Variants in DLG5 observed in about 807,000 individuals in gnomAD.
DLG5 encodes disks large homolog 5.
Under a neutral mutation model 189.8 loss-of-function variants are expected in DLG5, and 48 were observed. That is an observed-to-expected ratio of 0.25 (90% CI 0.20 to 0.32). The LOEUF is 0.32. Among genes scored for constraint, DLG5 ranks in the 10% least tolerant of loss-of-function variants. DLG5 has a pLI of 1.00. For synonymous variants in DLG5, 1,016 were observed against 1,054.1 expected, an observed-to-expected ratio of 0.96 and a Z score of 0.70; for missense variants, 2,160 against 2,544.7, an observed-to-expected ratio of 0.85 and a Z score of 3.25.
At chr10:77,883,679 A>G (rs1229072711) in intron 1 of DLG5, among the ~76,000 whole-genome samples, 1 of 150,704 alleles carries the variant, frequency 6.6e-6, no homozygotes, top group African/African-American at 2.5e-5. Flanking sequence ...GTGACTATGA[A>G]GTAACATTGT....
chr10:77,939,824 A>G, the DLG5 span, among the ~76,000 whole-genome samples: 3 of 152,238 alleles, frequency 2.0e-5, no homozygotes, highest in Non-Finnish European at 4.4e-5. Context: ...AAACACGGTC[A>G]CATGAGGTGT....
intron 1 of DLG5, among the ~76,000 whole-genome samples, chr10:77,922,797 G>A (rs964329254): frequency 6.6e-6 from 1 of 152,166 alleles, no homozygotes; most frequent in African/African-American, 2.4e-5. Flanking sequence ...CGGAATAAGA[G>A]CCACACCTCC....
At chr10:77,834,649 G>C in intron 8 of DLG5, among the ~76,000 whole-genome samples, 1 of 152,210 alleles carries the variant, frequency 6.6e-6, no homozygotes, top group South Asian at 2.1e-4. Flanking sequence ...GCTGTGGAGG[G>C]GCCTGGGCTC....
intron 1 of DLG5, among the ~76,000 whole-genome samples, chr10:77,911,889 A>G (rs1846231527): frequency 1.3e-5 from 2 of 151,764 alleles, no homozygotes; most frequent in Admixed American, 6.6e-5. Context: ...AACAAGTGAT[A>G]ACATTTTCTT....
chr10:77,822,571 A>T (rs1254752237), intron 14 of DLG5, among the ~76,000 whole-genome samples: 1 of 152,172 alleles, frequency 6.6e-6, no homozygotes, highest in Non-Finnish European at 1.5e-5. Context: ...TTGAACCCGG[A>T]GGTGGAGGTT....
intron 23 of DLG5, among the ~76,000 whole-genome samples, chr10:77,810,136 A>G (rs1403624723): frequency 6.6e-6 from 1 of 152,248 alleles, no homozygotes; most frequent in Admixed American, 6.5e-5. Flanking sequence ...GCAAATGTCT[A>G]CGAAGAAGCT....
At position 77,791,999 on chromosome 10, in the gene DLG5, A is replaced by G. The variant is rs1411917880; in HGVS notation, c.*441T>C. On this transcript the variant is annotated 3_prime_UTR_variant, in exon 32 of 32. Coordinates refer to ENST00000372391, the MANE Select transcript of DLG5 (RefSeq NM_004747.4). The stretch of plus-strand genomic sequence containing the variant: ...TTGAGGTTCCAAGGTCGTTTTGCTG[A>G]AGACGGGAACGAAACCAACACCAAA... The G allele has an allele frequency of 2.9e-5, 5 of 171,232 alleles. No individual in the cohort carries two copies. In the East Asian group the frequency reaches 8.4e-4, roughly 29 times the overall value. The allele number at this position is 171,232 out of a possible 1,614,324, so 10.6% of individuals were successfully genotyped here.
intron 23 of DLG5, 105 bp downstream of exon 23, chr10:77,810,989 C>T (rs528094133): frequency 2.8e-6 from 4 of 1,419,350 alleles, no homozygotes; most frequent in African/African-American, 1.4e-5. Flanking sequence ...GTGCGGCCTG[C>T]AGCACATGAG....
At chr10:77,826,577 C>A (rs932202292) in intron 13 of DLG5, among the ~76,000 whole-genome samples, 10 of 152,090 alleles carry the variant, frequency 6.6e-5, no homozygotes, top group African/African-American at 2.4e-4. Flanking sequence ...TGCAGTGAGC[C>A]AAGATCACGC....
At chr10:77,847,277 G>A (rs915403840) in intron 5 of DLG5, among the ~76,000 whole-genome samples, 3 of 152,048 alleles carry the variant, frequency 2.0e-5, no homozygotes, top group Middle Eastern at 3.2e-3. Flanking sequence ...CCACGATGAC[G>A]GCCACCCTCG....
At chr10:77,883,181 G>A (rs1340531053) in intron 1 of DLG5, among the ~76,000 whole-genome samples, 1 of 152,160 alleles carries the variant, frequency 6.6e-6, no homozygotes. Flanking sequence ...ATGGAAGCAG[G>A]GAGAGCCTGG....
Position 77,793,822 on chromosome 10 carries a change from C to G in DLG5, c.5656+186G>C, listed in dbSNP as rs955697177. On this transcript the variant is annotated intron_variant, in intron 31 of 31. Transcript: ENST00000372391. ...AAGATCGGTGAGCTTAACATTCAAC[C>G]TGTAAGAATCCTGACGTTGGCCAGG... 37 of 609,044 alleles carry G rather than the reference C, an allele frequency of 6.1e-5. No individual in the cohort carries two copies. In the African/African-American group the frequency reaches 6.1e-4, roughly 10 times the overall value. 37.7% of individuals were successfully genotyped at this position (609,044 alleles called of 1,614,324 possible).
chr10:77,828,618 G>T (rs1242784512), intron 13 of DLG5, among the ~76,000 whole-genome samples: 1 of 151,914 alleles, frequency 6.6e-6, no homozygotes, highest in Non-Finnish European at 1.5e-5. Context: ...ACTCCAGCCT[G>T]AGGGACAGAG....
At chr10:77,912,603 T>C (rs1846256419) in intron 1 of DLG5, 1 of 152,106 alleles carries the variant, frequency 6.6e-6, no homozygotes, top group Non-Finnish European at 1.5e-5. Context: ...GACCTTCTGA[T>C]GGGATTTTCA....
chr10:77,819,551 C>G (rs1179572166), intron 16 of DLG5, 86 bp from the exon 17 acceptor site: 1 of 1,483,484 alleles, frequency 6.7e-7, no homozygotes, highest in Non-Finnish European at 9.0e-7. Flanking sequence ...TATCCCAGGA[C>G]GCAGCCGCAG....
chr10:77,932,579 T>C, the DLG5 span, among the ~76,000 whole-genome samples: 1 of 152,120 alleles, frequency 6.6e-6, no homozygotes, highest in African/African-American at 2.4e-5. Flanking sequence ...CAGGATTGCT[T>C]GAGCCCAGAA....
chr10:77,926,243 C>T lies in DLG5; in HGVS notation c.278G>A (p.Gly93Glu), dbSNP rs1846688302. The T allele has an allele frequency of 6.6e-7, 1 of 1,520,822 alleles. No individual in the cohort carries two copies. The highest frequency in any genetic ancestry group is 1.3e-5 in the South Asian group (1 of 78,416). 94.2% of individuals were successfully genotyped at this position (1,520,822 alleles called of 1,614,324 possible). ...LPILYLNGVV[G>E]PPQPAEGAGS... ...CGCGCCTTCGGCGGGCTGCGGCGGC[C>T]CGACGACGCCGTTCAGGTAGAGAAT... is the stretch of plus-strand genomic sequence containing the variant. The change falls in exon 1 of 32, where the codon GGG (glycine) becomes GAG (glutamate). Residue 93 changes from glycine to glutamate, a missense_variant. Gly to Glu is a moderately conservative substitution (Grantham distance 98). Transcript: ENST00000372391. The surrounding 1 kb of genome is among the most constrained non-coding windows in gnomAD (Gnocchi z 5.2).
chr10:77,797,875 CCT>C (rs1474818747), intron 27 of DLG5, among the ~76,000 whole-genome samples: 1 of 152,112 alleles, frequency 6.6e-6, no homozygotes, highest in African/African-American at 2.4e-5. Context: ...TTGCCCTGTC[CCT>C]GTGTGTGTGT....
At position 77,809,209 on chromosome 10, in the gene DLG5, C is replaced by T. The variant is rs569839329; in HGVS notation, c.4647+338G>A. On this transcript the variant is annotated intron_variant, in intron 24 of 31. Coordinates refer to ENST00000372391, the MANE Select transcript of DLG5 (RefSeq NM_004747.4). Reference sequence around the variant, plus strand: ...ATCACTTGAGGTCAGGAGTTTGAGACCAGCCTGGGCAACATGGTGAAACTG... The same window carrying T: ...ATCACTTGAGGTCAGGAGTTTGAGATCAGCCTGGGCAACATGGTGAAACTG... Among the ~76,000 whole-genome samples, 4 of 152,138 alleles carry T rather than the reference C, an allele frequency of 2.6e-5. No homozygotes were observed. In the South Asian group the frequency reaches 8.3e-4, roughly 32 times the overall value.
Sources: allele counts gnomAD v4.1 joint callset (sites outside exome capture counted in the v4.1 genomes callset), GRCh38; gene constraint gnomAD v4.1.1; non-coding constraint Gnocchi (gnomAD v3.1); transcripts MANE v1.5; gene names NCBI Gene and HGNC (gene_info 2026-07-23, HGNC 2026-07-21).